Variants in NLGN1 observed in about 807,000 individuals in gnomAD.
NLGN1 encodes neuroligin 1, also known as neuroligin-1.
In NLGN1, 12 loss-of-function variants were observed where a neutral mutation model predicts 65.5. The ratio of observed to expected loss-of-function variants is 0.18; its 90% CI spans 0.12 to 0.30. The LOEUF (loss-of-function observed/expected upper bound fraction) is 0.30. Among genes scored for constraint, NLGN1 ranks in the 10% least tolerant of loss-of-function variants. The pLI is 1.00. For synonymous variants in NLGN1, 350 were observed against 359.5 expected, an observed-to-expected ratio of 0.97 and a Z score of 0.30; for missense variants, 750 against 1,007.1, an observed-to-expected ratio of 0.74 and a Z score of 3.46.
chr3:174,049,736 A>C (rs1254325552), intron 4 of NLGN1, among the ~76,000 whole-genome samples: 1 of 152,128 alleles, frequency 6.6e-6, no homozygotes, highest in Non-Finnish European at 1.5e-5. Flanking sequence ...ACTGGACACT[A>C]TGTAAATACG....
intron 4 of NLGN1, among the ~76,000 whole-genome samples, chr3:173,955,766 G>A (rs1362108051): frequency 6.6e-6 from 1 of 152,044 alleles, no homozygotes. Flanking sequence ...TCTAAAAATT[G>A]TTTCTTCTTT....
intron 3 of NLGN1, among the ~76,000 whole-genome samples, chr3:173,736,725 G>C (rs1773832765): frequency 6.6e-6 from 1 of 151,942 alleles, no homozygotes; most frequent in Non-Finnish European, 1.5e-5. Context: ...AACCATTAAA[G>C]TGTAAAATAA....
At chr3:174,003,965 A>C (rs1205714870) in intron 4 of NLGN1, among the ~76,000 whole-genome samples, 1 of 152,214 alleles carries the variant, frequency 6.6e-6, no homozygotes, top group African/African-American at 2.4e-5. Context: ...GCATGAAATC[A>C]CAGAATCTTA....
intron 4 of NLGN1, among the ~76,000 whole-genome samples, chr3:174,118,716 A>G (rs2152638697): frequency 6.6e-6 from 1 of 152,258 alleles, no homozygotes; most frequent in East Asian, 1.9e-4. Flanking sequence ...GCCTACCTTC[A>G]TGATCTAAAA....
intron 3 of NLGN1, among the ~76,000 whole-genome samples, chr3:173,763,438 T>TG (rs890862209): frequency 5.9e-5 from 9 of 152,120 alleles, no homozygotes; most frequent in African/African-American, 1.9e-4. Flanking sequence ...TTGAATAAAA[T>TG]GGAAAGCACA....
chr3:173,456,483 A>G (rs114697023), intron 2 of NLGN1, among the ~76,000 whole-genome samples: 303 of 152,300 alleles, frequency 2.0e-3, no homozygotes, highest in Non-Finnish European at 3.2e-3. Context: ...CAGTATTTAC[A>G]TATTAGTGTT....
intron 4 of NLGN1, among the ~76,000 whole-genome samples, chr3:174,247,318 A>G (rs1326977392): frequency 6.6e-6 from 1 of 152,200 alleles, no homozygotes; most frequent in Admixed American, 6.5e-5. Flanking sequence ...AAGCTGTACA[A>G]CTAGTCCCTG....
At chr3:174,055,686 A>C (rs1016935269) in intron 4 of NLGN1, among the ~76,000 whole-genome samples, 1 of 152,168 alleles carries the variant, frequency 6.6e-6, no homozygotes, top group African/African-American at 2.4e-5. Context: ...CCCATCTTCA[A>C]ACAGCTAGTG....
intron 2 of NLGN1, among the ~76,000 whole-genome samples, chr3:173,596,605 C>G (rs564793814): frequency 6.6e-6 from 1 of 151,112 alleles, no homozygotes; most frequent in South Asian, 2.1e-4. Flanking sequence ...CCAGTACTTA[C>G]TCATTTGGTG....
At chr3:173,768,555 A>G (rs969535117) in intron 3 of NLGN1, among the ~76,000 whole-genome samples, 11 of 152,182 alleles carry the variant, frequency 7.2e-5, no homozygotes, top group African/African-American at 2.7e-4. Context: ...CACCTTATGT[A>G]TCACATATGC....
chr3:173,789,343 C>G (rs1712119876), intron 3 of NLGN1, among the ~76,000 whole-genome samples: 1 of 152,128 alleles, frequency 6.6e-6, no homozygotes, highest in African/African-American at 2.4e-5. Flanking sequence ...TGTGTTGTAA[C>G]CAGGCTTCTT....
intron 4 of NLGN1, among the ~76,000 whole-genome samples, chr3:174,170,415 C>T (rs1477891450): frequency 2.6e-5 from 4 of 152,144 alleles, no homozygotes; most frequent in African/African-American, 9.7e-5. Flanking sequence ...TGATCCACTG[C>T]TGTAATCCAC....
At chr3:174,178,094 G>A (rs1729768878) in intron 4 of NLGN1, among the ~76,000 whole-genome samples, 1 of 152,124 alleles carries the variant, frequency 6.6e-6, no homozygotes, top group South Asian at 2.1e-4. Context: ...GCTTAATAGT[G>A]CTTGGCACAG....
chr3:173,471,946 C>T (rs1725382683), intron 2 of NLGN1, among the ~76,000 whole-genome samples: 1 of 151,958 alleles, frequency 6.6e-6, no homozygotes, highest in Non-Finnish European at 1.5e-5. Flanking sequence ...TGTTGACATT[C>T]CAAGAAAGAA....
At chr3:173,691,614 AAGAGTTAGGAG>A (rs1765473028) in intron 3 of NLGN1, among the ~76,000 whole-genome samples, 1 of 152,094 alleles carries the variant, frequency 6.6e-6, no homozygotes, top group Non-Finnish European at 1.5e-5. Context: ...GATAACGTTT[AAGAGTTAGGAG>A]AGACCTTAGA....
chr3:173,537,971 G>A (rs1441994908), intron 2 of NLGN1, among the ~76,000 whole-genome samples: 1 of 152,160 alleles, frequency 6.6e-6, no homozygotes, highest in Non-Finnish European at 1.5e-5. Flanking sequence ...TGGCTGTGTG[G>A]CAGTATTAGC....
chr3:173,703,983 G>A (rs1560202360), intron 3 of NLGN1, among the ~76,000 whole-genome samples: 1 of 152,174 alleles, frequency 6.6e-6, no homozygotes, highest in Non-Finnish European at 1.5e-5. Context: ...ATGTCTTATG[G>A]TTTTGCCAAT....
At chr3:173,955,386 T>C (rs1711749535) in intron 4 of NLGN1, among the ~76,000 whole-genome samples, 1 of 151,872 alleles carries the variant, frequency 6.6e-6, no homozygotes, top group African/African-American at 2.4e-5. Context: ...AAGATGCATG[T>C]AATGTTGTTA....
At chr3:174,041,266 T>G (rs994655714) in intron 4 of NLGN1, among the ~76,000 whole-genome samples, 1 of 152,206 alleles carries the variant, frequency 6.6e-6, no homozygotes, top group Non-Finnish European at 1.5e-5. Context: ...AGGCTTCTTC[T>G]ACTCAGCACA....
Sources: allele counts gnomAD v4.1 joint callset (sites outside exome capture counted in the v4.1 genomes callset), GRCh38; gene constraint gnomAD v4.1.1; transcripts MANE v1.5; gene names NCBI Gene and HGNC (gene_info 2026-07-23, HGNC 2026-07-21).